ADAMTSL1: variants seen among roughly 807,000 people sequenced by gnomAD.
ADAMTSL1 encodes ADAMTS-like protein 1.
ADAMTSL1 carries 126 observed loss-of-function variants against 201.8 expected under a neutral mutation model. The observed-to-expected ratio is 0.62, with a 90% CI of 0.54 to 0.72. The LOEUF is 0.72. Among genes scored for constraint, ADAMTSL1 ranks in the 30% least tolerant of loss-of-function variants. ADAMTSL1 has a pLI of 0.00. For missense variants in ADAMTSL1, 2,679 were observed against 2,277.8 expected (o/e 1.18, Z -3.59); for synonymous variants, 1,121 against 903.4 (o/e 1.24, Z -4.32).
intron 17 of ADAMTSL1, among the ~76,000 whole-genome samples, chr9:18,772,235 G>T (rs748684821): frequency 1.3e-5 from 2 of 152,136 alleles, no homozygotes; most frequent in Non-Finnish European, 2.9e-5. Flanking sequence ...AAAAGGAATT[G>T]CTCCCCTAAA....
intron 2 of ADAMTSL1, among the ~76,000 whole-genome samples, chr9:18,222,940 A>G (rs1830319694): frequency 6.6e-6 from 1 of 151,992 alleles, no homozygotes; most frequent in South Asian, 2.1e-4. Context: ...TAATTTTTGT[A>G]TCTGTATAGA....
intron 9 of ADAMTSL1, 36 bp from the exon 10 acceptor site, chr9:18,675,821 T>A (rs371159226): frequency 1.1e-5 from 17 of 1,592,540 alleles, no homozygotes; most frequent in Non-Finnish European, 1.5e-5. Flanking sequence ...TGTGTGTACC[T>A]TCTACTCAGA....
At chr9:18,232,088 G>A (rs570243841) in intron 2 of ADAMTSL1, among the ~76,000 whole-genome samples, 1 of 152,276 alleles carries the variant, frequency 6.6e-6, no homozygotes, top group South Asian at 2.1e-4. Context: ...AAAAGCCAAA[G>A]TCAGAGCAGA....
At chr9:18,309,341 A>T (rs1054345290) in intron 2 of ADAMTSL1, among the ~76,000 whole-genome samples, 1 of 152,134 alleles carries the variant, frequency 6.6e-6, no homozygotes, top group Non-Finnish European at 1.5e-5. Flanking sequence ...GGCCAGGGCA[A>T]TCAGGCAAGA....
At chr9:18,498,465 T>A (rs2131891798) in intron 1 of ADAMTSL1, among the ~76,000 whole-genome samples, 1 of 151,908 alleles carries the variant, frequency 6.6e-6, no homozygotes, top group Non-Finnish European at 1.5e-5. Flanking sequence ...GCCTCCCAAG[T>A]AGCTAGGATT....
intron 2 of ADAMTSL1, among the ~76,000 whole-genome samples, chr9:18,456,015 G>A (rs1228047211): frequency 6.6e-6 from 1 of 152,036 alleles, no homozygotes; most frequent in Non-Finnish European, 1.5e-5. Context: ...AAGTCATAAA[G>A]AACAGTTAGT....
chr9:18,684,958 G>C (rs145863822), intron 13 of ADAMTSL1, 158 bp downstream of exon 13: 91 of 1,393,126 alleles, frequency 6.5e-5, no homozygotes, highest in African/African-American at 5.2e-4. Flanking sequence ...GTTTCAAAAA[G>C]TGTTTGTCAA....
At chr9:18,881,255 T>TTTGGAGCAAGAGAC in intron 23 of ADAMTSL1, among the ~76,000 whole-genome samples, 1 of 152,350 alleles carries the variant, frequency 6.6e-6, no homozygotes, top group East Asian at 1.9e-4. Flanking sequence ...AACTTGGCTG[T>TTTGGAGCAAGAGAC]TTGGAGCAAG....
At chr9:18,533,757 A>T (rs1375202038) in intron 3 of ADAMTSL1, among the ~76,000 whole-genome samples, 2 of 152,266 alleles carry the variant, frequency 1.3e-5, no homozygotes, top group African/African-American at 4.8e-5. Flanking sequence ...AAACATCTGT[A>T]GTATAGTAAG....
chr9:18,020,705 G>A (rs1820445865), intron 1 of ADAMTSL1, among the ~76,000 whole-genome samples: 1 of 152,064 alleles, frequency 6.6e-6, no homozygotes, highest in Non-Finnish European at 1.5e-5. Context: ...GAGACACAGA[G>A]TCAAACCATA....
intron 1 of ADAMTSL1, among the ~76,000 whole-genome samples, chr9:18,477,501 C>A (rs372120730): frequency 6.6e-6 from 1 of 152,172 alleles, no homozygotes; most frequent in Non-Finnish European, 1.5e-5. Flanking sequence ...GGGAGAAGCA[C>A]CCTTAGCTTG....
In ADAMTSL1 at chr9:17,965,085, A is replaced by C. The variant is rs144003140; in HGVS notation, c.87+58163A>C. On this transcript the variant is annotated intron_variant, in intron 1 of 29. Coordinates refer to the ADAMTSL1 transcript ENST00000680146. ...TTTTCTATTTAGTATTTTTACAATA[A>C]CAATAACATATAATGGACAACCTGG... 3.7e-4 allele frequency among the ~76,000 whole-genome samples: 57 copies of C among 152,244 alleles called. No individual in the cohort carries two copies. The East Asian group carries it at 0.011, about 28-fold the overall frequency.
At chr9:17,917,153 A>G (rs944873435) in intron 1 of ADAMTSL1, among the ~76,000 whole-genome samples, 1 of 152,122 alleles carries the variant, frequency 6.6e-6, no homozygotes, top group South Asian at 2.1e-4. Flanking sequence ...GTGTGCAACA[A>G]TATGTAGTAT....
intron 1 of ADAMTSL1, among the ~76,000 whole-genome samples, chr9:17,924,705 A>C (rs1355683901): frequency 4.0e-5 from 6 of 148,580 alleles, no homozygotes; most frequent in Admixed American, 2.0e-4. Flanking sequence ...AAATCAACTC[A>C]AGATGGATTA....
At chr9:18,565,525 A>G (rs1030658611) in intron 3 of ADAMTSL1, among the ~76,000 whole-genome samples, 3 of 151,770 alleles carry the variant, frequency 2.0e-5, no homozygotes, top group Admixed American at 6.6e-5. Flanking sequence ...TATACCTAGT[A>G]TACATGAAAA....
rs74808416 is a variant in ADAMTSL1 at position 18,634,270 on chromosome 9, T to A, written c.602-1673T>A. On this transcript the variant is annotated intron_variant, in intron 5 of 28. Coordinates refer to ENST00000380548, the MANE Select transcript of ADAMTSL1 (RefSeq NM_001040272.6). The stretch of plus-strand genomic sequence containing the variant: ...AATTATGTACACTGTTAAAAAAAAA[T>A]ATGTCTGAACAGGCCAGGTGCAGTG... Among the ~76,000 whole-genome samples the A allele has an allele frequency of 2.4e-3, 359 of 152,018 alleles. 3 individuals are homozygous for A. The highest frequency in any genetic ancestry group is 8.1e-3 in the African/African-American group (338 of 41,476).
chr9:18,850,390 G>T (rs959761928), intron 23 of ADAMTSL1, among the ~76,000 whole-genome samples: 2 of 152,202 alleles, frequency 1.3e-5, no homozygotes, highest in African/African-American at 4.8e-5. Flanking sequence ...ATCTACTCTT[G>T]CTCTGTGCCC....
rs1350988329 is a variant in ADAMTSL1 at position 18,826,425 on chromosome 9, A to G, written c.4076A>G (p.His1359Arg). ...GLYSCRAANL[H>R]GELTESTQLL... Reference sequence around the variant, plus strand: ...TACTCCTGCAGGGCGGCCAATCTTCATGGAGAGCTGACTGAGAGCACCCAG... The same window carrying G: ...TACTCCTGCAGGGCGGCCAATCTTCGTGGAGAGCTGACTGAGAGCACCCAG... Residue 1359 changes from histidine (H) to arginine (R), a missense_variant, in exon 22 of 29, where the codon CAT becomes CGT. Coordinates refer to ENST00000380548, the MANE Select transcript of ADAMTSL1 (RefSeq NM_001040272.6). The G allele has an allele frequency of 3.1e-6, 5 of 1,613,804 alleles. No homozygotes were observed. Among genetic ancestry groups the G allele is most frequent in the Non-Finnish European group, 3.4e-6 (4 of 1,179,850 alleles).
intron 12 of ADAMTSL1, among the ~76,000 whole-genome samples, chr9:18,683,369 C>T (rs993265420): frequency 1.3e-5 from 2 of 151,482 alleles, no homozygotes; most frequent in African/African-American, 4.8e-5. Flanking sequence ...GGATTACAGG[C>T]GCATGCTGCC....
Sources: allele counts gnomAD v4.1 joint callset (sites outside exome capture counted in the v4.1 genomes callset), GRCh38; gene constraint gnomAD v4.1.1; transcripts MANE v1.5; gene names NCBI Gene and HGNC (gene_info 2026-07-23, HGNC 2026-07-21).